ZNF765: variants seen among roughly 807,000 people sequenced by gnomAD.
The protein encoded by ZNF765 is zinc finger protein 765.
Under a neutral mutation model 44.7 loss-of-function variants are expected in ZNF765, and 37 were observed. The observed-to-expected ratio is 0.83, with a 90% CI of 0.64 to 1.09. The LOEUF (loss-of-function observed/expected upper bound fraction) is 1.09, where lower values mean the gene tolerates loss of function less well. Among genes scored for constraint, ZNF765 ranks in the 50% least tolerant of loss-of-function variants. The pLI, the probability that ZNF765 is intolerant of heterozygous loss-of-function variation, is 0.00. For synonymous variants in ZNF765, 201 were observed against 213.7 expected (o/e 0.94, Z 0.52); for missense variants, 594 against 626.1 (o/e 0.95, Z 0.55).
chr19:53,427,011 TC>T (rs2085943770), exon 4 of ZNF765: 1 of 140,572 alleles, frequency 7.1e-6, no homozygotes, highest in African/African-American at 2.9e-5. Context: ...TCCTCTTCTG[TC>T]CCCAGTTCCT....
At chr19:53,425,310 G>A (rs909868904) in exon 4 of ZNF765, 3 of 57,680 alleles carry the variant, frequency 5.2e-5, no homozygotes, top group African/African-American at 2.8e-4. Flanking sequence ...GACACTGAAA[G>A]TCCTACTTTT....
chr19:53,408,252 C>T lies in ZNF765; in HGVS notation c.697C>T (p.His233Tyr), dbSNP rs1194798325. The T allele has an allele frequency of 6.2e-7, 1 of 1,614,222 alleles. No homozygotes were observed. The highest frequency in any genetic ancestry group is 8.5e-7 in the Non-Finnish European group (1 of 1,180,042). Residue 233 changes from histidine to tyrosine, a missense_variant, in exon 4 of 4, where the codon CAT becomes TAT. Physicochemically the swap from His to Tyr is moderately conservative, Grantham distance 83. Coordinates refer to ENST00000396408, the MANE Select transcript of ZNF765 (RefSeq NM_001040185.3). ...AYNCSSLLRK[H>Y]QLIHLGEKQY... is the part of the protein sequence containing the mutation. ...TAATTGTAGCTCACTCTTAAGGAAA[C>T]ATCAGTTAATCCATTTAGGAGAGAA...
At chr19:53,401,580 A>T (rs1309699136) in intron 2 of ZNF765, among the ~76,000 whole-genome samples, 2 of 148,106 alleles carry the variant, frequency 1.4e-5, no homozygotes, top group African/African-American at 5.0e-5. Flanking sequence ...TAAAAATAAA[A>T]AAAAAAACGT....
exon 4 of ZNF765, chr19:53,426,282 T>A (rs2085939113): frequency 6.6e-6 from 1 of 152,260 alleles, no homozygotes; most frequent in Non-Finnish European, 1.5e-5. Flanking sequence ...CTGAGCTACG[T>A]CTTCACAAAT....
chr19:53,403,090 G>T (rs570130561), intron 3 of ZNF765, among the ~76,000 whole-genome samples: 5 of 151,796 alleles, frequency 3.3e-5, no homozygotes, highest in Admixed American at 6.6e-5. Context: ...ATGAACCTGG[G>T]AGTCAGAGGT....
At chr19:53,399,586 CAGG>C (rs1488726859) in intron 2 of ZNF765, among the ~76,000 whole-genome samples, 8 of 151,696 alleles carry the variant, frequency 5.3e-5, no homozygotes, top group Non-Finnish European at 1.0e-4. Flanking sequence ...GAAGCTGAGG[CAGG>C]AGAATCACTT....
intron 2 of ZNF765, among the ~76,000 whole-genome samples, chr19:53,400,944 A>C (rs1429600445): frequency 6.6e-6 from 1 of 151,182 alleles, no homozygotes; most frequent in Non-Finnish European, 1.5e-5. Context: ...CCATCTTCCT[A>C]CCTCAGGGTC....
Position 53,409,337 on chromosome 19 carries a change from C to A in ZNF765, c.*210C>A. The A allele has an allele frequency of 1.2e-6, 1 of 850,674 alleles. No homozygotes were observed. The highest frequency in any genetic ancestry group is 2.0e-6 in the Non-Finnish European group (1 of 494,458). 52.7% of individuals were successfully genotyped at this position (850,674 alleles called of 1,614,324 possible). On this transcript the variant is annotated 3_prime_UTR_variant, in exon 4 of 4. Transcript: ENST00000396408. ...TGAGTCATACGTCATCTTTTGTGTA[C>A]CATCATAAACTTCATAGTGGAGAGA... is the stretch of plus-strand genomic sequence containing the variant.
Position 53,407,836 on chromosome 19 carries a change from T to C in ZNF765, c.281T>C (p.Ile94Thr). 6.2e-7 allele frequency: 1 copy of C among 1,613,544 alleles called. No homozygotes were observed. Among genetic ancestry groups the C allele is most frequent in the Non-Finnish European group, 8.5e-7 (1 of 1,179,852 alleles). Residue 94 changes from isoleucine to threonine, a missense_variant, in exon 4 of 4, where the codon ATT (isoleucine) becomes ACT (threonine). Physicochemically the swap from Ile to Thr is moderately conservative, Grantham distance 89. Coordinates refer to ENST00000396408, the MANE Select transcript of ZNF765 (RefSeq NM_001040185.3). ...TGTTTCCAGGATATTGATAAAGATA[T>C]TCATGACATTGAGTTTCAGTGGCAA... Reference protein sequence around the residue: ...DFCFQDIDKDIHDIEFQWQED... With the variant: ...DFCFQDIDKDTHDIEFQWQED...
At chr19:53,404,403 A>G (rs2085756238) in intron 3 of ZNF765, among the ~76,000 whole-genome samples, 2 of 151,778 alleles carry the variant, frequency 1.3e-5, no homozygotes. Context: ...TTACTGGAGA[A>G]CTTTATATAT....
chr19:53,415,948 G>GTT (rs113617002), downstream of ZNF765, among the ~76,000 whole-genome samples: 20 of 49,522 alleles, frequency 4.0e-4, no homozygotes, highest in South Asian at 2.0e-3. Context: ...CTTTTGTTTT[G>GTT]TTTTGTTTTT....
intron 3 of ZNF765, among the ~76,000 whole-genome samples, chr19:53,418,300 C>T (rs1208642687): frequency 2.6e-5 from 4 of 152,090 alleles, no homozygotes; most frequent in African/African-American, 4.8e-5. Flanking sequence ...ATTCGGGCCA[C>T]TGCATTCCAG....
At chr19:53,420,033 AAAAT>A (rs936098591) in intron 3 of ZNF765, among the ~76,000 whole-genome samples, 65 of 148,958 alleles carry the variant, frequency 4.4e-4, no homozygotes, top group African/African-American at 1.5e-3. Context: ...AAATAATAAT[AAAAT>A]AAATAAATAA....
exon 4 of ZNF765, chr19:53,423,631 C>T (rs2085921012): frequency 3.8e-6 from 1 of 264,146 alleles, no homozygotes; most frequent in Non-Finnish European, 7.4e-6. Flanking sequence ...AACTGTCAGC[C>T]GCTTTCTTCT....
At chr19:53,419,865 A>G (rs1296858117) in intron 3 of ZNF765, among the ~76,000 whole-genome samples, 1 of 151,740 alleles carries the variant, frequency 6.6e-6, no homozygotes, top group African/African-American at 2.4e-5. Flanking sequence ...TAAAACTACA[A>G]ACGATTACCT....
rs528944329 is a variant in ZNF765, at chr19:53,396,261, G to A, written c.-74+1068G>A. Among the ~76,000 whole-genome samples, 147 of 152,078 alleles carry A rather than the reference G, an allele frequency of 9.7e-4. 1 individual carries two copies. Among genetic ancestry groups the A allele is most frequent in the Middle Eastern group, 3.4e-3 (1 of 294 alleles). ...GAGAGTGGGGATGAGGGTATAACAGGGAAGAGAGAATGTAACAGGGAGAGC... is the reference window on the plus strand; with the variant it reads ...GAGAGTGGGGATGAGGGTATAACAGAGAAGAGAGAATGTAACAGGGAGAGC... On this transcript the variant is annotated intron_variant, in intron 1 of 3. Transcript: ENST00000396408.
intron 2 of ZNF765, among the ~76,000 whole-genome samples, chr19:53,400,279 G>A (rs1391174325): frequency 6.6e-6 from 1 of 152,148 alleles, no homozygotes. Flanking sequence ...TGGATAGCTT[G>A]CTCTTTGACA....
chr19:53,409,384 G>T lies in ZNF765; in HGVS notation c.*257G>T, dbSNP rs1242781761. 4.8e-6 allele frequency: 4 copies of T among 840,810 alleles called. No individual in the cohort carries two copies. Among genetic ancestry groups the T allele is most frequent in the Non-Finnish European group, 8.3e-6 (4 of 481,714 alleles). The allele number at this position is 840,810 out of a possible 1,614,324, so 52.1% of individuals were successfully genotyped here. A position where few individuals can be genotyped will look rare whatever the true frequency, so the allele number is the denominator to read the frequency against. ...GAGACCTTACAAATGTGAAGAATGT[G>T]AAGAAGCTTTCTGTTTCAAATCCAA... On this transcript the variant is annotated 3_prime_UTR_variant, in exon 4 of 4. Coordinates refer to ENST00000396408, the MANE Select transcript of ZNF765 (RefSeq NM_001040185.3).
chr19:53,414,070 G>A (rs2085854074), downstream of ZNF765, among the ~76,000 whole-genome samples: 1 of 151,238 alleles, frequency 6.6e-6, no homozygotes, highest in African/African-American at 2.4e-5. Context: ...GAGATATCCC[G>A]TCTCTACTAA....
Sources: gnomAD v4.1 joint callset for allele counts (sites outside exome capture counted in the v4.1 genomes callset) on GRCh38, gnomAD v4.1.1 for gene constraint, MANE v1.5 for transcripts, NCBI Gene and HGNC (gene_info 2026-07-23, HGNC 2026-07-21) for gene names.